KCNB2: variants seen among roughly 807,000 people sequenced by gnomAD.
KCNB2 encodes the protein potassium voltage-gated channel subfamily B member 2.
KCNB2 carries 15 observed loss-of-function variants against 61.5 expected under a neutral mutation model. The observed-to-expected ratio is 0.24, with a 90% CI of 0.16 to 0.38. The LOEUF (loss-of-function observed/expected upper bound fraction) is 0.38. Ranked by LOEUF, KCNB2 falls within the 10% of genes least tolerant of loss-of-function variation. The probability of loss-of-function intolerance (pLI) is 1.00; values close to 1 mark genes in which losing one functional copy is unlikely to be tolerated. For missense variants in KCNB2, 828 were observed against 1,125.2 expected (o/e 0.74, Z 3.78); for synonymous variants, 457 against 446.0 (o/e 1.02, Z -0.31).
chr8:72,799,192 C>G (rs555857978), intron 2 of KCNB2, among the ~76,000 whole-genome samples: 63 of 152,274 alleles, frequency 4.1e-4, no homozygotes, highest in African/African-American at 1.4e-3. Flanking sequence ...TTGCACAATT[C>G]AGAGAGCCAG....
At chr8:72,804,793 C>G (rs1809190909) in intron 2 of KCNB2, among the ~76,000 whole-genome samples, 1 of 152,178 alleles carries the variant, frequency 6.6e-6, no homozygotes, top group African/African-American at 2.4e-5. Flanking sequence ...ACTGTTGGCA[C>G]TACCAAGATG....
chr8:72,620,664 A>G (rs1805700667), intron 2 of KCNB2, among the ~76,000 whole-genome samples: 1 of 152,054 alleles, frequency 6.6e-6, no homozygotes, highest in Non-Finnish European at 1.5e-5. Context: ...GCTGGAGTGC[A>G]GTGGTGCGAC....
At chr8:72,607,715 A>G (rs1805475390) in intron 2 of KCNB2, among the ~76,000 whole-genome samples, 1 of 152,214 alleles carries the variant, frequency 6.6e-6, no homozygotes, top group Non-Finnish European at 1.5e-5. Context: ...TATCATTTCC[A>G]TATTGAATAA....
chr8:72,740,443 C>T (rs748802801), intron 2 of KCNB2, among the ~76,000 whole-genome samples: 14 of 152,048 alleles, frequency 9.2e-5, no homozygotes, highest in Non-Finnish European at 1.8e-4. Flanking sequence ...GGCCACTGTC[C>T]CCTACTAAAA....
intron 2 of KCNB2, among the ~76,000 whole-genome samples, chr8:72,908,385 T>C (rs1806220803): frequency 6.6e-6 from 1 of 152,146 alleles, no homozygotes; most frequent in Non-Finnish European, 1.5e-5. Flanking sequence ...CTATTATCTA[T>C]CTCCCCAACA....
intron 2 of KCNB2, among the ~76,000 whole-genome samples, chr8:72,857,382 T>C (rs957739493): frequency 6.6e-6 from 1 of 152,142 alleles, no homozygotes; most frequent in Non-Finnish European, 1.5e-5. Context: ...AGATTTAAGA[T>C]TGCATATAGT....
At chr8:72,634,279 G>C (rs1004749904) in intron 2 of KCNB2, among the ~76,000 whole-genome samples, 2 of 152,280 alleles carry the variant, frequency 1.3e-5, no homozygotes, top group African/African-American at 4.8e-5. Context: ...TTTGTTCACT[G>C]GCCATGATCC....
chr8:72,833,933 C>T (rs533145804), intron 2 of KCNB2, among the ~76,000 whole-genome samples: 3 of 152,306 alleles, frequency 2.0e-5, no homozygotes, highest in South Asian at 4.1e-4. Flanking sequence ...TTGGCTCTTG[C>T]ATTTTCTTAC....
intron 1 of KCNB2, among the ~76,000 whole-genome samples, chr8:72,562,623 G>A (rs1806555510): frequency 6.6e-6 from 1 of 152,152 alleles, no homozygotes; most frequent in South Asian, 2.1e-4. Flanking sequence ...CATGTGTTCT[G>A]AGGTCTCAAA....
At chr8:72,725,601 A>ATATGTATATATATATATATATATG (rs796779126) in intron 2 of KCNB2, among the ~76,000 whole-genome samples, 1 of 100,250 alleles carries the variant, frequency 1.0e-5, no homozygotes, top group African/African-American at 3.6e-5. Context: ...GTATATATAT[A>ATATGTATATATATATATATATATG]TATATATATA....
chr8:72,650,352 C>A (rs1202607502), intron 2 of KCNB2, among the ~76,000 whole-genome samples: 2 of 152,108 alleles, frequency 1.3e-5, no homozygotes, highest in Non-Finnish European at 2.9e-5. Flanking sequence ...CACTTAGTTG[C>A]CACCTTTTTC....
chr8:72,691,578 A>C (rs1806941186), intron 2 of KCNB2, among the ~76,000 whole-genome samples: 1 of 152,212 alleles, frequency 6.6e-6, no homozygotes, highest in African/African-American at 2.4e-5. Flanking sequence ...TGCAACTACA[A>C]GTGTAGCAAC....
intron 2 of KCNB2, among the ~76,000 whole-genome samples, chr8:72,798,293 A>T (rs895990210): frequency 6.6e-6 from 1 of 152,176 alleles, no homozygotes; most frequent in Non-Finnish European, 1.5e-5. Flanking sequence ...CTGCATCTCA[A>T]TGATTTTGTA....
At chr8:72,851,825 GGAAA>G (rs1563404616) in intron 2 of KCNB2, among the ~76,000 whole-genome samples, 1 of 15,306 alleles carries the variant, frequency 6.5e-5, no homozygotes, top group African/African-American at 2.2e-4. Context: ...AGAAGCTGTA[GGAAA>G]AAAAAAAAAA....
chr8:72,657,601 C>G (rs1483185402), intron 2 of KCNB2, among the ~76,000 whole-genome samples: 7 of 152,088 alleles, frequency 4.6e-5, no homozygotes, highest in African/African-American at 1.7e-4. Context: ...ATAAAACAGT[C>G]TCCTAAGAAA....
intron 2 of KCNB2, among the ~76,000 whole-genome samples, chr8:72,764,662 A>G (rs1022219384): frequency 1.4e-4 from 22 of 152,206 alleles, no homozygotes; most frequent in Admixed American, 1.2e-3. Flanking sequence ...ATAGTCTTAT[A>G]TTCCATTTGC....
At chr8:72,618,825 A>G (rs1805661403) in intron 2 of KCNB2, 3 of 232,496 alleles carry the variant, frequency 1.3e-5, no homozygotes, top group African/African-American at 4.7e-5. Flanking sequence ...TGGATTCAGC[A>G]TTAAATCTAA....
At chr8:72,625,119 G>C (rs1805770233) in intron 2 of KCNB2, among the ~76,000 whole-genome samples, 1 of 152,156 alleles carries the variant, frequency 6.6e-6, no homozygotes. Context: ...GTGAAGCCGT[G>C]TCCAGACTCC....
At chr8:72,806,170 C>T (rs1433871301) in intron 2 of KCNB2, among the ~76,000 whole-genome samples, 1 of 151,874 alleles carries the variant, frequency 6.6e-6, no homozygotes, top group Non-Finnish European at 1.5e-5. Context: ...CCAGCCTGGC[C>T]AACATGGTGG....
Sources: gnomAD v4.1 joint callset for allele counts (sites outside exome capture counted in the v4.1 genomes callset) on GRCh38, gnomAD v4.1.1 for gene constraint, MANE v1.5 for transcripts, NCBI Gene and HGNC (gene_info 2026-07-23, HGNC 2026-07-21) for gene names.